ZNF714: variants seen among roughly 807,000 people sequenced by gnomAD.
ZNF714 encodes zinc finger protein 714.
A neutral mutation model predicts 46.2 loss-of-function variants in ZNF714; 32 were observed. That is an observed-to-expected ratio of 0.69 (90% CI 0.52 to 0.93). The LOEUF (loss-of-function observed/expected upper bound fraction) is 0.93. ZNF714 is among the 40% of genes least tolerant of loss of function. The pLI is 0.00. For synonymous variants in ZNF714, 199 were observed against 213.1 expected (o/e 0.93, Z 0.58); for missense variants, 635 against 646.3 (o/e 0.98, Z 0.19).
At position 21,119,265 on chromosome 19, in the gene ZNF714, C is replaced by T. The variant is rs917371635; in HGVS notation, c.*933C>T. 4.5e-5 allele frequency: 14 copies of T among 308,282 alleles called. No individual in the cohort carries two copies. Among genetic ancestry groups the T allele is most frequent in the African/African-American group, 2.3e-4 (10 of 43,234 alleles). The allele number at this position is 308,282 out of a possible 1,614,324, so 19.1% of individuals were successfully genotyped here. A position where few individuals can be genotyped will look rare whatever the true frequency, so the allele number is the denominator to read the frequency against. ...TAAAAATACAACAATTAGCCGGTTGCGGTGGTGGTGCCTGTAATCCCAGCT... is the reference window on the plus strand; with the variant it reads ...TAAAAATACAACAATTAGCCGGTTGTGGTGGTGGTGCCTGTAATCCCAGCT... On this transcript the variant is annotated 3_prime_UTR_variant, in exon 5 of 5. Transcript: ENST00000456283.
At chr19:21,084,420 G>A (rs989192797) in intron 2 of ZNF714, among the ~76,000 whole-genome samples, 1 of 151,968 alleles carries the variant, frequency 6.6e-6, no homozygotes, top group African/African-American at 2.4e-5. Flanking sequence ...AACTGAGATG[G>A]TGTAAGAGCT....
rs775922233 is a variant in ZNF714, at chr19:21,117,337, G to A, written c.673G>A (p.Gly225Arg). The change falls in exon 5 of 5, where the codon GGA becomes AGA. Residue 225 changes from glycine to arginine, a missense_variant. Transcript: ENST00000456283. ...TLTTHKMIHT[G>R]EKPYRCEECG... The stretch of plus-strand genomic sequence containing the variant: ...TACTACACATAAGATGATTCATACT[G>A]GAGAGAAACCCTACAGATGTGAAGA... The A allele has an allele frequency of 6.2e-7, 1 of 1,612,066 alleles. No homozygotes were observed. The highest frequency in any genetic ancestry group is 8.5e-7 in the Non-Finnish European group (1 of 1,178,650).
chr19:21,086,291 C>T (rs1008360376), intron 2 of ZNF714, among the ~76,000 whole-genome samples: 3 of 151,990 alleles, frequency 2.0e-5, no homozygotes, highest in East Asian at 1.9e-4. Flanking sequence ...TTCTTGATTT[C>T]GCTCAAGAAA....
Position 21,083,989 on chromosome 19 carries a change from G to A in ZNF714, c.-165G>A, listed in dbSNP as rs769666830. 7.7e-7 allele frequency: 1 copy of A among 1,293,312 alleles called. No homozygotes were observed. Among genetic ancestry groups the A allele is most frequent in the Non-Finnish European group, 1.0e-6 (1 of 991,926 alleles). The allele number at this position is 1,293,312 out of a possible 1,614,324, so 80.1% of individuals were successfully genotyped here. Reference sequence around the variant, plus strand: ...ATTTTCTTCCATAGGGCGACCTGAGGTCTGGAGTGTATCCTCTCAAGGGAG... The same window carrying A: ...ATTTTCTTCCATAGGGCGACCTGAGATCTGGAGTGTATCCTCTCAAGGGAG... On this transcript the variant is annotated 5_prime_UTR_variant, in exon 2 of 5. Coordinates refer to ENST00000456283, the MANE Select transcript of ZNF714 (RefSeq NM_182515.4).
Position 21,098,293 on chromosome 19 carries a change from A to G in ZNF714, c.25A>G (p.Lys9Glu). Residue 9 changes from lysine to glutamate, a missense_variant, in exon 3 of 5, where the codon AAA (lysine) becomes GAA (glutamate). Physicochemically the swap from Lys to Glu is moderately conservative, Grantham distance 56. Transcript: ENST00000456283. MNVMLENY[K>E]NLVFLAGIAV... is the part of the protein sequence containing the mutation. ...TATGAATGTGATGTTAGAGAACTAC[A>G]AAAACCTGGTCTTCTTGGGTGAGAA... 3 of 1,612,964 alleles carry G rather than the reference A, an allele frequency of 1.9e-6. No individual in the cohort carries two copies. The highest frequency in any genetic ancestry group is 2.5e-6 in the Non-Finnish European group (3 of 1,179,782).
rs71176814 is a variant in ZNF714 at position 21,118,451 on chromosome 19, C to CAAAAAA, written c.*131_*136dup. 3 of 165,380 alleles carry CAAAAAA rather than the reference C, an allele frequency of 1.8e-5. No individual in the cohort carries two copies. Among genetic ancestry groups the CAAAAAA allele is most frequent in the East Asian group, 1.3e-4 (1 of 7,422 alleles). The allele number at this position is 165,380 out of a possible 1,614,324, so 10.2% of individuals were successfully genotyped here. Reference sequence around the variant, plus strand: ...TGGGCCACAAGGCAAGACTCTGTCTCAAAAAAAAAAAAAAAAAGAAAAGAA... The same window carrying CAAAAAA: ...TGGGCCACAAGGCAAGACTCTGTCTCAAAAAAAAAAAAAAAAAAAAAAAGAAAAGAA... On this transcript the variant is annotated 3_prime_UTR_variant, in exon 5 of 5. Coordinates refer to ENST00000456283, the MANE Select transcript of ZNF714 (RefSeq NM_182515.4).
At chr19:21,096,668 A>G (rs958439038) in intron 2 of ZNF714, among the ~76,000 whole-genome samples, 1 of 152,164 alleles carries the variant, frequency 6.6e-6, no homozygotes, top group Non-Finnish European at 1.5e-5. Context: ...ATGATCTGCC[A>G]TATTAAAAGT....
chr19:21,106,733 G>A (rs1388596862), intron 4 of ZNF714, among the ~76,000 whole-genome samples: 1 of 152,094 alleles, frequency 6.6e-6, no homozygotes, highest in Non-Finnish European at 1.5e-5. Context: ...ATATACAGAA[G>A]GCTTCATTTC....
intron 4 of ZNF714, among the ~76,000 whole-genome samples, chr19:21,116,377 G>A (rs909963133): frequency 8.6e-5 from 13 of 151,936 alleles, no homozygotes; most frequent in South Asian, 6.2e-4. Flanking sequence ...TTTATGTTAC[G>A]GGAGACCAGT....
intron 4 of ZNF714, among the ~76,000 whole-genome samples, chr19:21,108,321 GA>G (rs1368702333): frequency 6.6e-6 from 1 of 152,164 alleles, no homozygotes; most frequent in Non-Finnish European, 1.5e-5. Context: ...GCTTTTAACT[GA>G]AAAGTTTTGT....
At chr19:21,103,425 C>A (rs1487485748) in intron 4 of ZNF714, among the ~76,000 whole-genome samples, 1 of 151,908 alleles carries the variant, frequency 6.6e-6, no homozygotes, top group Admixed American at 6.6e-5. Context: ...TGGTGGCCTA[C>A]GCCTGTTGTT....
intron 4 of ZNF714, among the ~76,000 whole-genome samples, chr19:21,116,555 CTGTGTCTTT>C (rs1335672356): frequency 1.3e-5 from 2 of 152,108 alleles, no homozygotes; most frequent in African/African-American, 4.8e-5. Flanking sequence ...TCTTTTTCTT[CTGTGTCTTT>C]GCATTCCTGT....
chr19:21,102,509 G>A (rs1969205433), intron 4 of ZNF714, among the ~76,000 whole-genome samples: 1 of 152,158 alleles, frequency 6.6e-6, no homozygotes, highest in Admixed American at 6.5e-5. Context: ...GCAATGTAAT[G>A]CTGTTCTTTG....
intron 4 of ZNF714, among the ~76,000 whole-genome samples, chr19:21,115,858 T>C (rs183042955): frequency 1.3e-5 from 2 of 151,216 alleles, no homozygotes; most frequent in South Asian, 2.1e-4. Context: ...TTTTTGGATA[T>C]TTTAAATATT....
intron 4 of ZNF714, among the ~76,000 whole-genome samples, chr19:21,104,145 A>T (rs950881243): frequency 3.9e-5 from 6 of 152,200 alleles, no homozygotes; most frequent in African/African-American, 1.4e-4. Flanking sequence ...ATTTCCCATG[A>T]CATAATATTT....
chr19:21,093,664 C>T (rs1378155285), intron 2 of ZNF714, among the ~76,000 whole-genome samples: 3 of 151,890 alleles, frequency 2.0e-5, no homozygotes, highest in Admixed American at 1.3e-4. Context: ...GACAGTGTTT[C>T]ACTCTGTTGC....
chr19:21,110,400 G>C (rs1477484648), intron 4 of ZNF714, among the ~76,000 whole-genome samples: 1 of 151,904 alleles, frequency 6.6e-6, no homozygotes, highest in African/African-American at 2.4e-5. Context: ...CTTCTTTTGA[G>C]GCGTGTTTCT....
intron 1 of ZNF714, among the ~76,000 whole-genome samples, chr19:21,082,577 C>T (rs1668497222): frequency 6.6e-6 from 1 of 152,138 alleles, no homozygotes; most frequent in African/African-American, 2.4e-5. Flanking sequence ...TGGGCCCTGA[C>T]CTGGAGTCCT....
chr19:21,114,341 C>T (rs1032136134), intron 4 of ZNF714, among the ~76,000 whole-genome samples: 5 of 146,826 alleles, frequency 3.4e-5, no homozygotes, highest in African/African-American at 1.0e-4. Context: ...GAGGCTGAGG[C>T]GGGAGAATGA....
Sources: allele counts gnomAD v4.1 joint callset (sites outside exome capture counted in the v4.1 genomes callset), GRCh38; gene constraint gnomAD v4.1.1; transcripts MANE v1.5; gene names NCBI Gene and HGNC (gene_info 2026-07-23, HGNC 2026-07-21).